The following BIRC6 variants were observed in gnomAD, a reference collection of about 807,000 sequenced individuals.
BIRC6 encodes the protein baculoviral IAP repeat containing 6.
In BIRC6, 98 loss-of-function variants were observed where a neutral mutation model predicts 503.3. The ratio of observed to expected loss-of-function variants is 0.19; its 90% CI spans 0.17 to 0.23. The LOEUF (loss-of-function observed/expected upper bound fraction) is 0.23, where lower values mean the gene tolerates loss of function less well. Among genes scored for constraint, BIRC6 ranks in the 10% least tolerant of loss-of-function variants. BIRC6 has a pLI of 1.00. For synonymous variants in BIRC6, 2,240 were observed against 2,078.7 expected (o/e 1.08, Z -2.11); for missense variants, 5,360 against 5,806.0 (o/e 0.92, Z 2.50).
rs2037016046 is a variant in BIRC6, at chr2:32,377,739, T to C, written c.477T>C (p.Asp159=). 6.2e-7 allele frequency: 1 copy of C among 1,613,522 alleles called. No individual in the cohort carries two copies. The highest frequency in any genetic ancestry group is 8.5e-7 in the Non-Finnish European group (1 of 1,179,686). Reference sequence around the variant, plus strand: ...AAACTCCAGTTTCAAAGCAGGATGATGTGGTTCAGCTTGAATTACCCGTTA... The same window carrying C: ...AAACTCCAGTTTCAAAGCAGGATGACGTGGTTCAGCTTGAATTACCCGTTA... ...ALQTPVSKQD[D]VVQLELPVTE... is the part of the protein sequence containing the mutation. The change falls in exon 2 of 74, where the codon GAT becomes GAC. Residue 159 remains aspartate (D), a synonymous_variant. Transcript: ENST00000421745.
intron 53 of BIRC6, among the ~76,000 whole-genome samples, chr2:32,510,936 T>C (rs186468677): frequency 1.2e-3 from 179 of 152,308 alleles, no homozygotes; most frequent in African/African-American, 3.9e-3. Context: ...GAAAGGAACC[T>C]TGTAAAGTGA....
At chr2:32,435,146 A>T (rs551525196) in intron 13 of BIRC6, among the ~76,000 whole-genome samples, 2 of 152,088 alleles carry the variant, frequency 1.3e-5, no homozygotes, top group South Asian at 4.2e-4. Flanking sequence ...ACAGATTTTG[A>T]ATTAATTGGG....
intron 9 of BIRC6, among the ~76,000 whole-genome samples, chr2:32,412,533 A>G (rs2149965611): frequency 6.6e-6 from 1 of 152,238 alleles, no homozygotes; most frequent in South Asian, 2.1e-4. Flanking sequence ...ATAAAGGTGA[A>G]TAAGATGATA....
intron 66 of BIRC6, chr2:32,590,793 C>T: frequency 2.0e-6 from 2 of 985,746 alleles, no homozygotes; most frequent in Non-Finnish European, 1.2e-6. Flanking sequence ...GTTGCTTCCT[C>T]GTATTTCTTC....
chr2:32,458,552 CATTT>C (rs2047489437), intron 23 of BIRC6, among the ~76,000 whole-genome samples: 1 of 151,898 alleles, frequency 6.6e-6, no homozygotes, highest in African/African-American at 2.4e-5. Flanking sequence ...GCTATCTAAT[CATTT>C]ATGGGAAAAC....
intron 43 of BIRC6, among the ~76,000 whole-genome samples, chr2:32,490,622 T>C (rs184580750): frequency 1.3e-5 from 2 of 152,340 alleles, no homozygotes; most frequent in East Asian, 3.9e-4. Context: ...TTTGATAATA[T>C]AGTCTCATAT....
At position 32,515,543 on chromosome 2, in the gene BIRC6, G is replaced by A; in HGVS notation, c.11122G>A (p.Val3708Ile). 1 of 1,613,986 alleles carries A rather than the reference G, an allele frequency of 6.2e-7. No homozygotes were observed. Among genetic ancestry groups the A allele is most frequent in the Non-Finnish European group, 8.5e-7 (1 of 1,179,890 alleles). ...GAAAGATTGGCTTGGTGGTTCTGAA[G>A]TCAATCCACTATGGACAGCACTTCT... Reference protein sequence around the residue: ...IMKDWLGGSEVNPLWTALLFL... With the variant: ...IMKDWLGGSEINPLWTALLFL... The change falls in exon 55 of 74, where the codon GTC becomes ATC. Residue 3708 changes from valine (V) to isoleucine (I), a missense_variant. Physicochemically the swap from Val to Ile is conservative, Grantham distance 29. Around this residue, in one of 16 missense-constraint regions of BIRC6, gnomAD observed 878 missense variants for 928.9 expected, o/e 0.95. Coordinates refer to ENST00000421745, the MANE Select transcript of BIRC6 (RefSeq NM_016252.4).
Position 32,593,959 on chromosome 2 carries a change from C to T in BIRC6, c.13400C>T (p.Ser4467Phe). 6.2e-7 allele frequency: 1 copy of T among 1,613,602 alleles called. No homozygotes were observed. Among genetic ancestry groups the T allele is most frequent in the Non-Finnish European group, 8.5e-7 (1 of 1,179,678 alleles). ...AAAACAGGAGTAAAACCAGATGCGTCTGATCAAGAACCAGAAGGACTTACT... is the reference window on the plus strand; with the variant it reads ...AAAACAGGAGTAAAACCAGATGCGTTTGATCAAGAACCAGAAGGACTTACT... ...NVKTGVKPDA[S>F]DQEPEGLTLL... The change falls in exon 67 of 74, where the codon TCT (serine) becomes TTT (phenylalanine). Residue 4467 changes from serine (S) to phenylalanine (F), a missense_variant. Physicochemically the swap from Ser to Phe is radical, Grantham distance 155 (BLOSUM62 -2). Around this residue, in one of 16 missense-constraint regions of BIRC6, gnomAD observed 477 missense variants for 574.4 expected, o/e 0.83. Coordinates refer to ENST00000421745, the MANE Select transcript of BIRC6 (RefSeq NM_016252.4).
rs552937222 is a variant in BIRC6, at chr2:32,445,996, T to C, written c.4484+328T>C. Among the ~76,000 whole-genome samples, 3 of 152,206 alleles carry C rather than the reference T, an allele frequency of 2.0e-5. No individual in the cohort carries two copies. The East Asian group carries it at 5.8e-4, about 29-fold the overall frequency. On this transcript the variant is annotated intron_variant, in intron 21 of 73. Coordinates refer to ENST00000421745, the MANE Select transcript of BIRC6 (RefSeq NM_016252.4). ...CCTCAGCCTCCCGAGTAGCTGGGAT[T>C]ACAGGCATGCACCACAGGCCTGGCT...
At chr2:32,589,207 G>A (rs2061253433) in intron 66 of BIRC6, among the ~76,000 whole-genome samples, 1 of 152,186 alleles carries the variant, frequency 6.6e-6, no homozygotes, top group Admixed American at 6.5e-5. Context: ...ATGACTCTAT[G>A]TTCAGTGTAA....
chr2:32,402,882 C>T (rs1473754611), intron 8 of BIRC6, among the ~76,000 whole-genome samples: 1 of 152,136 alleles, frequency 6.6e-6, no homozygotes, highest in Non-Finnish European at 1.5e-5. Flanking sequence ...AAATATACTT[C>T]TAGGATTACA....
chr2:32,539,999 A>G (rs974831785), intron 61 of BIRC6, among the ~76,000 whole-genome samples: 7 of 152,112 alleles, frequency 4.6e-5, no homozygotes, highest in Admixed American at 1.3e-4. Context: ...ATAAGGTACT[A>G]TTATAACCAA....
At chr2:32,479,427 A>G in intron 36 of BIRC6, 35 bp from the exon 37 acceptor site, 6 of 1,556,578 alleles carry the variant, frequency 3.9e-6, no homozygotes, top group Non-Finnish European at 5.2e-6. Flanking sequence ...AAATCTGTAT[A>G]AATTATTAAA....
intron 49 of BIRC6, 77 bp downstream of exon 49, chr2:32,503,313 A>C: frequency 8.0e-7 from 1 of 1,253,570 alleles, no homozygotes. Flanking sequence ...AATTAGTTGA[A>C]GTCAGTTGAT....
At chr2:32,446,290 A>C (rs1387093382) in intron 21 of BIRC6, among the ~76,000 whole-genome samples, 1 of 152,234 alleles carries the variant, frequency 6.6e-6, no homozygotes, top group Non-Finnish European at 1.5e-5. Context: ...TGCACTTTAT[A>C]GGTGGAATTA....
intron 9 of BIRC6, among the ~76,000 whole-genome samples, chr2:32,413,285 AT>A (rs113324808): frequency 2.0e-5 from 3 of 149,000 alleles, no homozygotes; most frequent in African/African-American, 7.5e-5. Flanking sequence ...GCTTCAAGCG[AT>A]TTTCCAGCCC....
chr2:32,546,005 A>T (rs2058030247), intron 63 of BIRC6, 145 bp downstream of exon 63: 1 of 793,110 alleles, frequency 1.3e-6, no homozygotes, highest in East Asian at 2.7e-5. Context: ...CAGAAATTGT[A>T]AATTAATTGT....
Position 32,518,346 on chromosome 2 carries a change from G to A in BIRC6, c.11442G>A (p.Gln3814=). Residue 3814 remains glutamine, a synonymous_variant, in exon 56 of 74, where the codon CAG becomes CAA. Coordinates refer to ENST00000421745, the MANE Select transcript of BIRC6 (RefSeq NM_016252.4). ...ISGFIRRLFL[Q]LMLEDEKVTM... is the part of the protein sequence containing the mutation. Reference sequence around the variant, plus strand: ...GGTTTATACGAAGATTATTTTTACAGTTGATGCTGGAAGATGAGAAAGTGA... The same window carrying A: ...GGTTTATACGAAGATTATTTTTACAATTGATGCTGGAAGATGAGAAAGTGA... 6.2e-7 allele frequency: 1 copy of A among 1,607,874 alleles called. No homozygotes were observed. Among genetic ancestry groups the A allele is most frequent in the Non-Finnish European group, 8.5e-7 (1 of 1,178,516 alleles).
At position 32,401,589 on chromosome 2, in the gene BIRC6, A is replaced by C. The variant is rs749393381; in HGVS notation, c.1384A>C (p.Ser462Arg). The change falls in exon 8 of 74, where the codon AGT becomes CGT. Residue 462 changes from serine to arginine, a missense_variant. Ser to Arg is a moderately radical substitution (Grantham distance 110). This residue lies in a region of BIRC6 where 700 missense variants were observed against 739.3 expected (regional missense o/e 0.95). Transcript: ENST00000421745. ...PTLAWLEDSS[S>R]CSDIPKLEGD... ...TTTGGCGTGGCTGGAGGACTCCTCT[A>C]GTTGCTCAGATATACCAAAATTGGA... 11 of 1,613,942 alleles carry C rather than the reference A, an allele frequency of 6.8e-6. No homozygotes were observed. In the East Asian group the frequency reaches 2.2e-4, roughly 33 times the overall value.
Sources: allele counts gnomAD v4.1 joint callset (sites outside exome capture counted in the v4.1 genomes callset), GRCh38; gene constraint gnomAD v4.1.1; regional missense constraint gnomAD v4.1.1; transcripts MANE v1.5; gene names NCBI Gene and HGNC (gene_info 2026-07-23, HGNC 2026-07-21).